Variants in GRID1 observed in about 807,000 individuals in gnomAD.
The protein encoded by GRID1 is glutamate receptor ionotropic, delta-1.
A neutral mutation model predicts 98.0 loss-of-function variants in GRID1; 28 were observed. The ratio of observed to expected loss-of-function variants is 0.29; its 90% CI spans 0.21 to 0.39. GRID1 has a LOEUF of 0.39. GRID1 is among the 10% of genes least tolerant of loss of function. The probability of loss-of-function intolerance (pLI) is 1.00; values close to 1 mark genes in which losing one functional copy is unlikely to be tolerated. For missense variants in GRID1, 1,111 were observed against 1,340.5 expected, an observed-to-expected ratio of 0.83 and a Z score of 2.67; for synonymous variants, 553 against 538.5, an observed-to-expected ratio of 1.03 and a Z score of -0.37.
At chr10:85,948,850 T>C (rs1182646214) in intron 4 of GRID1, among the ~76,000 whole-genome samples, 2 of 152,220 alleles carry the variant, frequency 1.3e-5, no homozygotes, top group African/African-American at 4.8e-5. Flanking sequence ...AATAAATATA[T>C]GTAAACTGCT....
chr10:86,015,530 A>G (rs191898096), intron 4 of GRID1, among the ~76,000 whole-genome samples: 24 of 152,354 alleles, frequency 1.6e-4, no homozygotes, highest in African/African-American at 4.6e-4. Flanking sequence ...CTAAGAGAAT[A>G]TTGACACCAT....
chr10:86,341,121 C>A (rs1246855839), intron 2 of GRID1, among the ~76,000 whole-genome samples: 1 of 152,194 alleles, frequency 6.6e-6, no homozygotes, highest in African/African-American at 2.4e-5. Flanking sequence ...CTGGCGTTTG[C>A]ATATGCTGTG....
At chr10:85,906,299 T>A (rs78124441) in intron 5 of GRID1, among the ~76,000 whole-genome samples, 5,868 of 152,196 alleles carry the variant, frequency 0.039, 158 homozygotes, top group Middle Eastern at 0.092. Context: ...AAACTCACAA[T>A]TAAGGATGAG....
chr10:85,809,413 C>T (rs1180447904), intron 8 of GRID1, among the ~76,000 whole-genome samples: 1 of 152,092 alleles, frequency 6.6e-6, no homozygotes, highest in Non-Finnish European at 1.5e-5. Flanking sequence ...GTCATACTCC[C>T]AAAACCACAC....
intron 4 of GRID1, among the ~76,000 whole-genome samples, chr10:86,054,213 AG>A (rs1224547493): frequency 7.0e-6 from 1 of 142,510 alleles, no homozygotes; most frequent in Admixed American, 6.9e-5. Context: ...CAGGACTCAC[AG>A]GGAGGCAGAG....
At chr10:85,681,818 G>T (rs1002500514) in intron 12 of GRID1, among the ~76,000 whole-genome samples, 1 of 152,080 alleles carries the variant, frequency 6.6e-6, no homozygotes, top group Non-Finnish European at 1.5e-5. Context: ...ACAGTATATG[G>T]CCTGCCCTCC....
chr10:86,300,552 AGGGG>A, intron 2 of GRID1, among the ~76,000 whole-genome samples: 1 of 18,904 alleles, frequency 5.3e-5, no homozygotes, highest in African/African-American at 1.9e-4. Flanking sequence ...AGGGGAGGGG[AGGGG>A]AGGGAAAAAA....
intron 13 of GRID1, among the ~76,000 whole-genome samples, chr10:85,620,325 A>C (rs771958416): frequency 6.6e-6 from 1 of 152,224 alleles, no homozygotes; most frequent in Non-Finnish European, 1.5e-5. Flanking sequence ...TCCTGGTCAC[A>C]GTGCTATGGG....
chr10:85,964,621 AC>A (rs1330753181), intron 4 of GRID1, among the ~76,000 whole-genome samples: 1 of 152,178 alleles, frequency 6.6e-6, no homozygotes. Flanking sequence ...CCTTCCTTAC[AC>A]CTTTTACAAA....
chr10:85,602,278 T>G lies in GRID1; in HGVS notation c.3025A>C (p.Ile1009Leu). The change falls in exon 16 of 16, where the codon ATC becomes CTC. Residue 1009 changes from isoleucine (I) to leucine (L), a missense_variant. Physicochemically the swap from Ile to Leu is conservative, Grantham distance 5. Transcript: ENST00000327946. ...CAGGAGGGCAGGCGGCGCAGTCAGA[T>G]GGAGGTCCCGTGGGAGGTGTCCAGA... ...EALDTSHGTS[I>L] 1 of 1,510,168 alleles carries G rather than the reference T, an allele frequency of 6.6e-7. No individual in the cohort carries two copies. Among genetic ancestry groups the G allele is most frequent in the Non-Finnish European group, 8.8e-7 (1 of 1,130,046 alleles). 93.5% of individuals were successfully genotyped at this position (1,510,168 alleles called of 1,614,324 possible).
In GRID1 at chr10:86,196,068, C is replaced by T. The variant is rs1393905143; in HGVS notation, c.520+10296G>A. Among the ~76,000 whole-genome samples, 3 of 152,018 alleles carry T rather than the reference C, an allele frequency of 2.0e-5. 1 individual carries two copies. Among genetic ancestry groups the T allele is most frequent in the African/African-American group, 7.2e-5 (3 of 41,396 alleles). ...GACACGACAACCTGGCCTCTGAGAC[C>T]GCTAGCACAGCTTCCCTTCCATGGA... On this transcript the variant is annotated intron_variant, in intron 3 of 15. Coordinates refer to ENST00000327946, the MANE Select transcript of GRID1 (RefSeq NM_017551.3).
chr10:86,219,323 C>G (rs1276005543), intron 2 of GRID1, among the ~76,000 whole-genome samples: 1 of 152,250 alleles, frequency 6.6e-6, no homozygotes, highest in African/African-American at 2.4e-5. Flanking sequence ...TACCAGGGGA[C>G]TGTGCCCACC....
intron 2 of GRID1, among the ~76,000 whole-genome samples, chr10:86,261,767 GCA>G (rs202120379): frequency 0.013 from 1,997 of 148,460 alleles, 41 homozygotes; most frequent in African/African-American, 0.045. Flanking sequence ...CATTGAGGTG[GCA>G]CACACACACA....
chr10:86,286,211 A>G (rs1589437314), intron 2 of GRID1, among the ~76,000 whole-genome samples: 1 of 152,022 alleles, frequency 6.6e-6, no homozygotes, highest in Non-Finnish European at 1.5e-5. Flanking sequence ...GTATAGTTAT[A>G]GGATCATCTT....
intron 5 of GRID1, among the ~76,000 whole-genome samples, chr10:85,870,077 G>A (rs1018945821): frequency 1.3e-5 from 2 of 152,174 alleles, no homozygotes; most frequent in African/African-American, 4.8e-5. Context: ...TGTCTGTGAG[G>A]GTGTTGCCAA....
In GRID1 at chr10:86,180,642, T is replaced by C. The variant is rs549909539; in HGVS notation, c.520+25722A>G. Among the ~76,000 whole-genome samples, 4 of 152,136 alleles carry C rather than the reference T, an allele frequency of 2.6e-5. No homozygotes were observed. In the East Asian group the frequency reaches 7.8e-4, roughly 30 times the overall value. On this transcript the variant is annotated intron_variant, in intron 3 of 15. Transcript: ENST00000327946. ...CACCCACTTCCTAGGCTTCCCGACA[T>C]ATGCCAAAAGCTGCTCCACAAAAGG...
chr10:85,629,339 T>G (rs186907915), intron 13 of GRID1, among the ~76,000 whole-genome samples: 29 of 152,296 alleles, frequency 1.9e-4, no homozygotes, highest in Non-Finnish European at 3.2e-4. Flanking sequence ...CCAAACAGCC[T>G]ATATTGTACC....
rs577823425 is a variant in GRID1, at chr10:85,601,480, A to G, written c.*793T>C. On this transcript the variant is annotated 3_prime_UTR_variant, in exon 16 of 16. Transcript: ENST00000327946. Reference sequence around the variant, plus strand: ...TCTGCCCTCCTTCCCCCAATATTCTATCACTTTTTGATTCTTCTAATTTTG... The same window carrying G: ...TCTGCCCTCCTTCCCCCAATATTCTGTCACTTTTTGATTCTTCTAATTTTG... The G allele has an allele frequency of 1.3e-5, 2 of 152,288 alleles. No homozygotes were observed. Among genetic ancestry groups the G allele is most frequent in the East Asian group, 3.9e-4 (2 of 5,186 alleles). The allele number at this position is 152,288 out of a possible 1,614,324, so 9.4% of individuals were successfully genotyped here. A position where few individuals can be genotyped will look rare whatever the true frequency, so the allele number is the denominator to read the frequency against.
chr10:85,881,892 A>G (rs1841033217), intron 5 of GRID1, among the ~76,000 whole-genome samples: 1 of 152,200 alleles, frequency 6.6e-6, no homozygotes, highest in Non-Finnish European at 1.5e-5. Context: ...AAGGGCTACT[A>G]TCCAGAATCT....
Sources: allele counts gnomAD v4.1 joint callset (sites outside exome capture counted in the v4.1 genomes callset), GRCh38; gene constraint gnomAD v4.1.1; transcripts MANE v1.5; gene names NCBI Gene and HGNC (gene_info 2026-07-23, HGNC 2026-07-21).